INTS2: variants seen among roughly 807,000 people sequenced by gnomAD.
INTS2 encodes KIAA1287.
INTS2 carries 57 observed loss-of-function variants against 139.6 expected under a neutral mutation model. That is an observed-to-expected ratio of 0.41 (90% CI 0.33 to 0.51). The LOEUF is 0.51. Ranked by LOEUF, INTS2 falls within the 20% of genes least tolerant of loss-of-function variation. INTS2 has a pLI of 0.28. For missense variants in INTS2, 1,196 were observed against 1,436.7 expected (o/e 0.83, Z 2.71); for synonymous variants, 473 against 493.4 (o/e 0.96, Z 0.55).
intron 11 of INTS2, among the ~76,000 whole-genome samples, chr17:61,896,629 T>C (rs1174779980): frequency 6.6e-6 from 1 of 152,144 alleles, no homozygotes. Context: ...CTGATCAGCT[T>C]TTCACAAAAG....
In INTS2 at chr17:61,893,907, G is replaced by T; in HGVS notation, c.1564-8C>A. ...TGCATGAGCTGTGACAACCTAAAAG[G>T]GAAAAATAGCATTAGTAATATAATA... On this transcript the variant is annotated splice_polypyrimidine_tract_variant and splice_region_variant and intron_variant, in intron 12 of 24. Coordinates refer to ENST00000251334, the MANE Select transcript of INTS2 (RefSeq NM_001351695.2). This position sits in a 1 kb window ranked among gnomAD's most constrained non-coding sequence, Gnocchi z 5.4. 1 of 1,533,744 alleles carries T rather than the reference G, an allele frequency of 6.5e-7. No individual in the cohort carries two copies. Among genetic ancestry groups the T allele is most frequent in the Non-Finnish European group, 8.8e-7 (1 of 1,136,704 alleles).
intron 9 of INTS2, among the ~76,000 whole-genome samples, chr17:61,901,971 T>A (rs1220344608): frequency 6.6e-6 from 1 of 152,148 alleles, no homozygotes; most frequent in Non-Finnish European, 1.5e-5. Context: ...AATATCTTTG[T>A]CCTACTTTGA....
At chr17:61,912,674 A>C (rs181723949) in intron 5 of INTS2, among the ~76,000 whole-genome samples, 3 of 152,264 alleles carry the variant, frequency 2.0e-5, no homozygotes, top group African/African-American at 7.2e-5. Flanking sequence ...AAGTTGAATG[A>C]AAACTCTAAA....
chr17:61,885,857 T>C (rs1034656417), intron 15 of INTS2, among the ~76,000 whole-genome samples: 1 of 149,712 alleles, frequency 6.7e-6, no homozygotes, highest in Non-Finnish European at 1.5e-5. Flanking sequence ...GCCTCCTGAG[T>C]AGCTGGGATT....
intron 15 of INTS2, among the ~76,000 whole-genome samples, chr17:61,887,049 G>A (rs528684221): frequency 1.3e-5 from 2 of 152,216 alleles, no homozygotes; most frequent in South Asian, 4.1e-4. Flanking sequence ...ATAAATCCTG[G>A]TTCCAATACT....
At chr17:61,888,564 C>CAT (rs1555622464) in intron 15 of INTS2, among the ~76,000 whole-genome samples, 1 of 119,596 alleles carries the variant, frequency 8.4e-6, no homozygotes, top group East Asian at 3.3e-4. Context: ...TGTGTGCGTG[C>CAT]GTGTGTGTGT....
rs1473151365 is a variant in INTS2, at chr17:61,911,644, T to A, written c.830A>T (p.His277Leu). The change falls in exon 7 of 25, where the codon CAT becomes CTT. Residue 277 changes from histidine (H) to leucine (L), a missense_variant. Transcript: ENST00000251334. ...ATCCTCACAAGCTTCATTTTTAGTATGATCCAATGTCAAAGCCACACCAAG... is the reference window on the plus strand; with the variant it reads ...ATCCTCACAAGCTTCATTTTTAGTAAGATCCAATGTCAAAGCCACACCAAG... ...PGLGVALTLD[H>L]TKNEACEDGV... is the part of the protein sequence containing the mutation. The A allele has an allele frequency of 1.2e-6, 2 of 1,613,920 alleles. No individual in the cohort carries two copies. The highest frequency in any genetic ancestry group is 2.2e-5 in the South Asian group (2 of 91,058).
rs1408266711 is a variant in INTS2, at chr17:61,873,344, C to A, written c.2583-884G>T. ...TTCAAGACCAGCCTGGACAACATAGCAAGACCCCCAACTCAAAAAATAAAA... is the reference window on the plus strand; with the variant it reads ...TTCAAGACCAGCCTGGACAACATAGAAAGACCCCCAACTCAAAAAATAAAA... On this transcript the variant is annotated intron_variant, in intron 19 of 24. Transcript: ENST00000251334. This position sits in a 1 kb window ranked among gnomAD's most constrained non-coding sequence, Gnocchi z 4.0. Among the ~76,000 whole-genome samples the A allele has an allele frequency of 1.3e-5, 2 of 151,940 alleles. No homozygotes were observed. The highest frequency in any genetic ancestry group is 2.1e-4 in the South Asian group (1 of 4,818).
chr17:61,896,976 T>C (rs981857935), intron 11 of INTS2, among the ~76,000 whole-genome samples: 2 of 152,112 alleles, frequency 1.3e-5, no homozygotes, highest in Non-Finnish European at 1.5e-5. Context: ...TATGTGTGTA[T>C]TTACATAAAC....
chr17:61,924,911 C>T, intron 3 of INTS2, 50 bp downstream of exon 3: 2 of 1,572,068 alleles, frequency 1.3e-6, no homozygotes, highest in East Asian at 2.3e-5. Context: ...CCTCCCTATA[C>T]ATAGACATCA....
chr17:61,870,115 G>GTACT lies in INTS2; in HGVS notation c.2779-131_2779-128dup. Reference sequence around the variant, plus strand: ...TTCTTAAACACACATACACAAAGAGGTACTTCTAAGAGCAGAACTGAGCAA... The same window carrying GTACT: ...TTCTTAAACACACATACACAAAGAGGTACTTACTTCTAAGAGCAGAACTGAGCAA... On this transcript the variant is annotated intron_variant, in intron 20 of 24. Coordinates refer to ENST00000251334, the MANE Select transcript of INTS2 (RefSeq NM_001351695.2). The surrounding 1 kb of genome is among the most constrained non-coding windows in gnomAD (Gnocchi z 4.4). 1 of 891,940 alleles carries GTACT rather than the reference G, an allele frequency of 1.1e-6. No homozygotes were observed. The highest frequency in any genetic ancestry group is 1.7e-5 in the African/African-American group (1 of 59,296). The allele number at this position is 891,940 out of a possible 1,614,324, so 55.3% of individuals were successfully genotyped here.
intron 14 of INTS2, 53 bp downstream of exon 14, chr17:61,891,460 A>G (rs1377280518): frequency 2.4e-5 from 32 of 1,358,110 alleles, no homozygotes; most frequent in Non-Finnish European, 3.2e-5. Context: ...GGGTTAAGTA[A>G]GAAGAACTAA....
In INTS2 at chr17:61,866,862, A is replaced by G. The variant is rs2079050194; in HGVS notation, c.*695T>C. On this transcript the variant is annotated 3_prime_UTR_variant, in exon 25 of 25. Coordinates refer to ENST00000251334, the MANE Select transcript of INTS2 (RefSeq NM_001351695.2). ...TTTTACACCAGTATCTTAAAATTCCAAATTATTCAAGTATCTCTTTAAACA... is the reference window on the plus strand; with the variant it reads ...TTTTACACCAGTATCTTAAAATTCCGAATTATTCAAGTATCTCTTTAAACA... The G allele has an allele frequency of 6.6e-6, 1 of 152,260 alleles. No individual in the cohort carries two copies. Among genetic ancestry groups the G allele is most frequent in the South Asian group, 2.1e-4 (1 of 4,838 alleles). 9.4% of individuals were successfully genotyped at this position (152,260 alleles called of 1,614,324 possible). A position where few individuals can be genotyped will look rare whatever the true frequency, so the allele number is the denominator to read the frequency against.
intron 13 of INTS2, among the ~76,000 whole-genome samples, chr17:61,892,953 C>CAA (rs58426330): frequency 4.2e-3 from 185 of 43,856 alleles, no homozygotes; most frequent in South Asian, 5.1e-3. Flanking sequence ...GACTCCATCT[C>CAA]AAAAAAAAAA....
At chr17:61,921,344 T>TA (rs532758661) in intron 4 of INTS2, 1,601 of 152,242 alleles carry the variant, frequency 0.011, 17 homozygotes, top group Middle Eastern at 0.021. Flanking sequence ...ACTCTGTCTC[T>TA]AAAAAAAAAT....
At chr17:61,879,796 C>T (rs1376505685) in intron 17 of INTS2, among the ~76,000 whole-genome samples, 3 of 152,042 alleles carry the variant, frequency 2.0e-5, no homozygotes, top group Non-Finnish European at 4.4e-5. Context: ...GCCAAGATTG[C>T]ACCACTGCAG....
Position 61,872,612 on chromosome 17 carries a change from A to C in INTS2, c.2583-152T>G, listed in dbSNP as rs1286385965. On this transcript the variant is annotated intron_variant, in intron 19 of 24. Coordinates refer to ENST00000251334, the MANE Select transcript of INTS2 (RefSeq NM_001351695.2). This position sits in a 1 kb window ranked among gnomAD's most constrained non-coding sequence, Gnocchi z 4.8. ...TAAAATATTCATTCTCAAAAGTTTA[A>C]TATATGTTTCTTATTCTCTGTATTT... Among the ~76,000 whole-genome samples, 6 of 152,196 alleles carry C rather than the reference A, an allele frequency of 3.9e-5. No individual in the cohort carries two copies. Among genetic ancestry groups the C allele is most frequent in the African/African-American group, 4.8e-5 (2 of 41,472 alleles).
chr17:61,887,095 T>C (rs1052853437), intron 15 of INTS2, among the ~76,000 whole-genome samples: 1 of 152,214 alleles, frequency 6.6e-6, no homozygotes, highest in Non-Finnish European at 1.5e-5. Context: ...GGGAAGTTAC[T>C]TAACTTCCTT....
Position 61,872,265 on chromosome 17 carries a change from C to T in INTS2, c.2778G>A (p.Gln926=). The change falls in exon 20 of 25, where the codon CAG becomes CAA. Residue 926 remains glutamine (Q), a splice_region_variant and synonymous_variant. Transcript: ENST00000251334. This position sits in a 1 kb window ranked among gnomAD's most constrained non-coding sequence, Gnocchi z 4.8. ...EELKNALLAA[Q]DSAAVQILLE... ...TAAATTTTACTTTAGCAAAATTTACCTGAGCGGCCAGTAATGCATTTTTCA... is the reference window on the plus strand; with the variant it reads ...TAAATTTTACTTTAGCAAAATTTACTTGAGCGGCCAGTAATGCATTTTTCA... 6.2e-7 allele frequency: 1 copy of T among 1,606,032 alleles called. No individual in the cohort carries two copies. Among genetic ancestry groups the T allele is most frequent in the Non-Finnish European group, 8.5e-7 (1 of 1,174,762 alleles).
Sources: gnomAD v4.1 joint callset for allele counts (sites outside exome capture counted in the v4.1 genomes callset) on GRCh38, gnomAD v4.1.1 for gene constraint, Gnocchi (gnomAD v3.1) non-coding constraint, MANE v1.5 for transcripts, NCBI Gene and HGNC (gene_info 2026-07-23, HGNC 2026-07-21) for gene names.